Variants in MCMBP observed in about 807,000 individuals in gnomAD.
MCMBP encodes the protein mini-chromosome maintenance complex-binding protein.
MCMBP carries 31 observed loss-of-function variants against 81.3 expected under a neutral mutation model. The observed-to-expected ratio is 0.38, with a 90% CI of 0.29 to 0.51. The LOEUF (loss-of-function observed/expected upper bound fraction) is 0.51. Ranked by LOEUF, MCMBP falls within the 20% of genes least tolerant of loss-of-function variation. The pLI is 0.87. For missense variants in MCMBP, 645 were observed against 772.1 expected, an observed-to-expected ratio of 0.84 and a Z score of 1.95; for synonymous variants, 267 against 275.9, an observed-to-expected ratio of 0.97 and a Z score of 0.32.
chr10:119,858,795 G>T, intron 4 of MCMBP, 89 bp downstream of exon 4: 1 of 983,904 alleles, frequency 1.0e-6, no homozygotes, highest in East Asian at 2.6e-5. Context: ...TTATACACAA[G>T]ATAAATAAAT....
chr10:119,868,929 A>G (rs1379495113), intron 1 of MCMBP, among the ~76,000 whole-genome samples: 2 of 152,204 alleles, frequency 1.3e-5, no homozygotes, highest in Non-Finnish European at 2.9e-5. Context: ...GTACGCAGTG[A>G]TAAAGTCTCA....
chr10:119,859,466 G>C (rs1242873084), intron 2 of MCMBP, among the ~76,000 whole-genome samples: 2 of 152,036 alleles, frequency 1.3e-5, no homozygotes, highest in African/African-American at 4.8e-5. Context: ...GATCAAAAAG[G>C]CATTTACTTT....
chr10:119,860,225 T>C (rs779021335), intron 1 of MCMBP, among the ~76,000 whole-genome samples: 2 of 152,214 alleles, frequency 1.3e-5, no homozygotes, highest in African/African-American at 2.4e-5. Context: ...GCACTGCTTG[T>C]AAAGCATTCT....
chr10:119,861,856 T>C (rs1300250060), intron 1 of MCMBP, among the ~76,000 whole-genome samples: 4 of 152,154 alleles, frequency 2.6e-5, no homozygotes, highest in African/African-American at 9.7e-5. Flanking sequence ...TCCTCTGGCC[T>C]CAGTCTCCTG....
intron 13 of MCMBP, among the ~76,000 whole-genome samples, chr10:119,836,532 G>C (rs1852247140): frequency 1.3e-5 from 2 of 152,168 alleles, no homozygotes; most frequent in Non-Finnish European, 1.5e-5. Context: ...AAAGAACTCT[G>C]AAATATTTTT....
In MCMBP at chr10:119,831,040, C is replaced by T. The variant is rs1298043984; in HGVS notation, c.*434G>A. Reference sequence around the variant, plus strand: ...AGATGGACTACTGAATGCACCCCAACCCACTGTGAACTGGAAAAACAGAGA... The same window carrying T: ...AGATGGACTACTGAATGCACCCCAATCCACTGTGAACTGGAAAAACAGAGA... On this transcript the variant is annotated 3_prime_UTR_variant, in exon 16 of 16. Transcript: ENST00000369077. 6.5e-6 allele frequency: 1 copy of T among 154,428 alleles called. No individual in the cohort carries two copies. The highest frequency in any genetic ancestry group is 2.0e-4 in the South Asian group (1 of 4,956). The allele number at this position is 154,428 out of a possible 1,614,324, so 9.6% of individuals were successfully genotyped here.
intron 8 of MCMBP, among the ~76,000 whole-genome samples, chr10:119,846,545 G>A (rs184762318): frequency 3.0e-4 from 45 of 152,288 alleles, no homozygotes; most frequent in African/African-American, 9.9e-4. Context: ...TACAAAGTGA[G>A]AAATGTAACT....
chr10:119,846,637 G>A (rs547936461), intron 8 of MCMBP, among the ~76,000 whole-genome samples: 2 of 152,236 alleles, frequency 1.3e-5, no homozygotes, highest in Admixed American at 6.5e-5. Flanking sequence ...AACTGACATC[G>A]CATGCCTCCT....
intron 5 of MCMBP, among the ~76,000 whole-genome samples, chr10:119,854,132 C>G (rs1450907975): frequency 6.6e-6 from 1 of 151,006 alleles, no homozygotes; most frequent in African/African-American, 2.4e-5. Context: ...CCTCAGCCTT[C>G]TGGGTTCAGG....
rs1352278620 is a variant in MCMBP at position 119,843,291 on chromosome 10, T to C, written c.963A>G (p.Leu321=). 1.9e-6 allele frequency: 3 copies of C among 1,613,780 alleles called. No individual in the cohort carries two copies. Among genetic ancestry groups the C allele is most frequent in the Non-Finnish European group, 2.5e-6 (3 of 1,179,862 alleles). The change falls in exon 9 of 16, where the codon TTA becomes TTG. Residue 321 remains leucine (L), a synonymous_variant. Coordinates refer to ENST00000369077, the MANE Select transcript of MCMBP (RefSeq NM_001256378.2). ...LAQKLQHINP[L]LPACLNKEES... ...CCTCTTTGTTAAGGCAGGCAGGCAATAATGGGTTGATGTGTTGCAACTTCT... is the reference window on the plus strand; with the variant it reads ...CCTCTTTGTTAAGGCAGGCAGGCAACAATGGGTTGATGTGTTGCAACTTCT...
Position 119,843,941 on chromosome 10 carries a change from C to T in MCMBP, c.828-515G>A, listed in dbSNP as rs778509812. On this transcript the variant is annotated intron_variant, in intron 8 of 15. Coordinates refer to ENST00000369077, the MANE Select transcript of MCMBP (RefSeq NM_001256378.2). ...CCTCTCAAAGTGCTGGGATTACAGGCGTGAGCCACCATGCCTGGCCAGAAA... is the reference window on the plus strand; with the variant it reads ...CCTCTCAAAGTGCTGGGATTACAGGTGTGAGCCACCATGCCTGGCCAGAAA... 6.0e-4 allele frequency among the ~76,000 whole-genome samples: 91 copies of T among 152,130 alleles called. No individual in the cohort carries two copies. The Middle Eastern group carries it at 0.01, about 17-fold the overall frequency.
chr10:119,851,425 A>G (rs563100029), intron 6 of MCMBP, among the ~76,000 whole-genome samples: 5 of 152,292 alleles, frequency 3.3e-5, no homozygotes, highest in African/African-American at 1.2e-4. Context: ...ATATATTACA[A>G]TATATAAGTT....
chr10:119,832,127 A>G lies in MCMBP; in HGVS notation c.1708-27T>C, dbSNP rs76031852. 69 of 1,594,696 alleles carry G rather than the reference A, an allele frequency of 4.3e-5. No homozygotes were observed. In the African/African-American group the frequency reaches 7.1e-4, roughly 16 times the overall value. ...TTTATCAAAAGAGTAAATGTAAATG[A>G]TGTGCATTTTTGTAAGGAAAAGAAA... On this transcript the variant is annotated intron_variant, in intron 14 of 15. Transcript: ENST00000369077.
chr10:119,860,639 T>C (rs1247728869), intron 1 of MCMBP, among the ~76,000 whole-genome samples: 2 of 152,226 alleles, frequency 1.3e-5, no homozygotes, highest in African/African-American at 2.4e-5. Context: ...CTTTTGCATT[T>C]AGCTATCAGA....
At chr10:119,872,104 T>C (rs1418282603) in intron 1 of MCMBP, among the ~76,000 whole-genome samples, 1 of 152,248 alleles carries the variant, frequency 6.6e-6, no homozygotes, top group South Asian at 2.1e-4. Flanking sequence ...TTTTGAAATA[T>C]CCTGTGGGCT....
chr10:119,861,377 T>C (rs545490199), intron 1 of MCMBP, among the ~76,000 whole-genome samples: 86 of 152,254 alleles, frequency 5.6e-4, no homozygotes, highest in African/African-American at 1.9e-3. Context: ...TGAGTACTTG[T>C]TAGAAATGCA....
chr10:119,838,196 C>T (rs1351815523), intron 12 of MCMBP, among the ~76,000 whole-genome samples: 1 of 149,220 alleles, frequency 6.7e-6, no homozygotes, highest in Non-Finnish European at 1.5e-5. Flanking sequence ...ACTAATACTA[C>T]CCTTTATATT....
At chr10:119,863,097 C>T (rs553690188) in intron 1 of MCMBP, among the ~76,000 whole-genome samples, 1 of 152,204 alleles carries the variant, frequency 6.6e-6, no homozygotes. Flanking sequence ...CAGTGTATAG[C>T]TTGTCTTTTC....
chr10:119,872,860 C>T (rs182534107), upstream of MCMBP: 1,340 of 156,702 alleles, frequency 8.6e-3, 17 homozygotes, highest in Non-Finnish European at 0.014. Flanking sequence ...AAATAGCCGC[C>T]GCCGACCGCG....
Sources: gnomAD v4.1 joint callset for allele counts (sites outside exome capture counted in the v4.1 genomes callset) on GRCh38, gnomAD v4.1.1 for gene constraint, MANE v1.5 for transcripts, NCBI Gene and HGNC (gene_info 2026-07-23, HGNC 2026-07-21) for gene names.